The following PLCL1 variants were observed in gnomAD, a reference collection of about 807,000 sequenced individuals.
PLCL1 encodes the protein phospholipase C like 1 (inactive), also known as inactive phospholipase C-like protein 1.
A neutral mutation model predicts 84.4 loss-of-function variants in PLCL1; 41 were observed. The ratio of observed to expected loss-of-function variants is 0.49; its 90% CI spans 0.38 to 0.63. The LOEUF (loss-of-function observed/expected upper bound fraction) is 0.63. PLCL1 is among the 30% of genes least tolerant of loss of function. PLCL1 has a pLI of 0.00. For missense variants in PLCL1, 1,206 were observed against 1,367.8 expected (o/e 0.88, Z 1.87); for synonymous variants, 490 against 488.3 (o/e 1.00, Z -0.05).
chr2:197,863,500 AT>A (rs1039714535), intron 1 of PLCL1, among the ~76,000 whole-genome samples: 1 of 152,128 alleles, frequency 6.6e-6, no homozygotes, highest in African/African-American at 2.4e-5. Flanking sequence ...CATTTAATGT[AT>A]TCCTTTAAAA....
intron 2 of PLCL1, among the ~76,000 whole-genome samples, chr2:198,086,886 A>G (rs963819765): frequency 5.3e-5 from 8 of 152,198 alleles, no homozygotes; most frequent in Non-Finnish European, 1.2e-4. Flanking sequence ...TTATACAAAC[A>G]TACACATACT....
At position 198,084,638 on chromosome 2, in the gene PLCL1, T is replaced by A; in HGVS notation, c.1121T>A (p.Ile374Asn). 6.2e-7 allele frequency: 1 copy of A among 1,614,126 alleles called. No individual in the cohort carries two copies. The highest frequency in any genetic ancestry group is 8.5e-7 in the Non-Finnish European group (1 of 1,179,990). Residue 374 changes from isoleucine (I) to asparagine (N), a missense_variant, in exon 2 of 6, where the codon ATT becomes AAT. Physicochemically the swap from Ile to Asn is moderately radical, Grantham distance 149. Transcript: ENST00000428675. ...EEGRQKGFLA[I>N]DGFTQYLLSS... The stretch of plus-strand genomic sequence containing the variant: ...GGACGTCAAAAAGGGTTTCTTGCAA[T>A]TGATGGCTTTACCCAGTATTTATTG...
intron 1 of PLCL1, among the ~76,000 whole-genome samples, chr2:198,075,693 C>T (rs1202517581): frequency 1.3e-5 from 2 of 152,312 alleles, no homozygotes; most frequent in South Asian, 2.1e-4. Flanking sequence ...TCATGAACAT[C>T]TTTAATGTTA....
intron 1 of PLCL1, among the ~76,000 whole-genome samples, chr2:197,833,895 AT>A (rs567665797): frequency 2.0e-5 from 3 of 152,388 alleles, no homozygotes; most frequent in Admixed American, 6.5e-5. Context: ...TGGAGGCATC[AT>A]GCTACCTGAC....
intron 1 of PLCL1, among the ~76,000 whole-genome samples, chr2:197,958,548 A>C (rs958659169): frequency 6.6e-6 from 1 of 152,050 alleles, no homozygotes; most frequent in Non-Finnish European, 1.5e-5. Context: ...GCATCTAACC[A>C]CATTGATCTT....
At chr2:197,997,238 C>A (rs991093056) in intron 1 of PLCL1, among the ~76,000 whole-genome samples, 2 of 152,198 alleles carry the variant, frequency 1.3e-5, no homozygotes, top group Non-Finnish European at 2.9e-5. Flanking sequence ...CTTAATGGGG[C>A]GGGGGCGTGA....
rs538052956 is a variant in PLCL1 at position 197,994,174 on chromosome 2, A to T, written c.241-89584A>T. On this transcript the variant is annotated intron_variant, in intron 1 of 5. Transcript: ENST00000428675. ...TTGCGGGGAAGATGAGACTCATAGC[A>T]CACCAGTAACTTTCTCCAAATAGTC... Among the ~76,000 whole-genome samples the T allele has an allele frequency of 1.1e-3, 173 of 152,298 alleles. 1 individual carries two copies. The Middle Eastern group carries it at 0.017, about 15-fold the overall frequency.
At chr2:198,116,901 C>T (rs543637935) in intron 5 of PLCL1, among the ~76,000 whole-genome samples, 3 of 151,960 alleles carry the variant, frequency 2.0e-5, no homozygotes, top group Non-Finnish European at 4.4e-5. Context: ...GATAACTATT[C>T]TCAATGGATT....
chr2:198,085,301 T>C lies in PLCL1; in HGVS notation c.1784T>C (p.Val595Ala). The C allele has an allele frequency of 6.2e-7, 1 of 1,613,932 alleles. No homozygotes were observed. The highest frequency in any genetic ancestry group is 8.5e-7 in the Non-Finnish European group (1 of 1,179,860). ...GATTTGGTGTCTATTTGTAAATCTG[T>C]TCAATACAGGGATTTTGAACTATCT... is the stretch of plus-strand genomic sequence containing the variant. ...LSDLVSICKS[V>A]QYRDFELSMK... Residue 595 changes from valine to alanine, a missense_variant, in exon 2 of 6, where the codon GTT becomes GCT. Val to Ala is a moderately conservative substitution (Grantham distance 64). Coordinates refer to ENST00000428675, the MANE Select transcript of PLCL1 (RefSeq NM_006226.4). The surrounding 1 kb of genome is among the most constrained non-coding windows in gnomAD (Gnocchi z 5.3).
At chr2:197,834,483 G>T (rs1691138908) in intron 1 of PLCL1, among the ~76,000 whole-genome samples, 1 of 152,212 alleles carries the variant, frequency 6.6e-6, no homozygotes, top group Non-Finnish European at 1.5e-5. Context: ...CAAAAAGTGG[G>T]TGACAGATAT....
intron 5 of PLCL1, among the ~76,000 whole-genome samples, chr2:198,140,198 G>A (rs1574341208): frequency 6.6e-6 from 1 of 152,254 alleles, no homozygotes; most frequent in South Asian, 2.1e-4. Flanking sequence ...TCTCAATGCA[G>A]TGGGTTTTAT....
chr2:197,954,473 G>C (rs962279920), intron 1 of PLCL1, among the ~76,000 whole-genome samples: 1 of 152,036 alleles, frequency 6.6e-6, no homozygotes, highest in East Asian at 1.9e-4. Flanking sequence ...AAAATGATCA[G>C]GAGAGATTTT....
chr2:197,894,656 C>G (rs1023742054), intron 1 of PLCL1, among the ~76,000 whole-genome samples: 6 of 151,946 alleles, frequency 3.9e-5, no homozygotes, highest in African/African-American at 1.4e-4. Flanking sequence ...GTAGGATCAG[C>G]AAGCCTTGGA....
intron 1 of PLCL1, among the ~76,000 whole-genome samples, chr2:198,062,644 A>G (rs554435351): frequency 6.6e-6 from 1 of 152,208 alleles, no homozygotes; most frequent in Non-Finnish European, 1.5e-5. Context: ...TTTTTTTCAT[A>G]AGTGTATGAA....
At position 197,875,161 on chromosome 2, in the gene PLCL1, CTG is replaced by C. The variant is rs753513550; in HGVS notation, c.240+69824_240+69825del. On this transcript the variant is annotated intron_variant, in intron 1 of 5. Coordinates refer to ENST00000428675, the MANE Select transcript of PLCL1 (RefSeq NM_006226.4). ...ACTAGCTGGGTGTGGTGGTGTGCAC[CTG>C]TAGTCCCAGCTGCTCGGGAGGCTGA... is the stretch of plus-strand genomic sequence containing the variant. 1.8e-3 allele frequency among the ~76,000 whole-genome samples: 271 copies of C among 152,078 alleles called. 1 individual carries two copies. The highest frequency in any genetic ancestry group is 3.0e-3 in the Non-Finnish European group (203 of 68,012).
At chr2:198,103,497 A>G (rs1693393934) in intron 4 of PLCL1, among the ~76,000 whole-genome samples, 1 of 151,982 alleles carries the variant, frequency 6.6e-6, no homozygotes, top group Non-Finnish European at 1.5e-5. Flanking sequence ...GATTATAGTC[A>G]TCTTGTTGTG....
chr2:198,028,618 AAG>A (rs1395961429), intron 1 of PLCL1, among the ~76,000 whole-genome samples: 1 of 152,166 alleles, frequency 6.6e-6, no homozygotes, highest in African/African-American at 2.4e-5. Context: ...GTGACATTGG[AAG>A]AGAGAGATCA....
At chr2:197,842,626 G>A (rs1478328181) in intron 1 of PLCL1, among the ~76,000 whole-genome samples, 1 of 152,010 alleles carries the variant, frequency 6.6e-6, no homozygotes, top group Non-Finnish European at 1.5e-5. Flanking sequence ...TACTGAACCT[G>A]TACTTAACCT....
At chr2:198,075,904 T>G (rs947610626) in intron 1 of PLCL1, among the ~76,000 whole-genome samples, 6 of 152,168 alleles carry the variant, frequency 3.9e-5, no homozygotes, top group African/African-American at 1.4e-4. Flanking sequence ...TAGCCCAGAG[T>G]AGGGGCTCAG....
Sources: gnomAD v4.1 joint callset for allele counts (sites outside exome capture counted in the v4.1 genomes callset) on GRCh38, gnomAD v4.1.1 for gene constraint, Gnocchi (gnomAD v3.1) non-coding constraint, MANE v1.5 for transcripts, NCBI Gene and HGNC (gene_info 2026-07-23, HGNC 2026-07-21) for gene names.